DHRSX: variants seen among roughly 807,000 people sequenced by gnomAD.
DHRSX encodes dehydrogenase/reductase X-linked.
A neutral mutation model predicts 34.0 loss-of-function variants in DHRSX; 31 were observed. The observed-to-expected ratio is 0.91, with a 90% CI of 0.69 to 1.23. The LOEUF is 1.23. Ranked by LOEUF, DHRSX falls within the 50% of genes most tolerant of loss-of-function variation. The probability of loss-of-function intolerance (pLI) is 0.00; values close to 1 mark genes in which losing one functional copy is unlikely to be tolerated. For missense variants in DHRSX, 414 were observed against 428.1 expected (o/e 0.97, Z 0.29); for synonymous variants, 201 against 183.8 (o/e 1.09, Z -0.76).
At chrX:2,223,658 G>C (rs2015571226) in intron 6 of DHRSX, among the ~76,000 whole-genome samples, 1 of 152,172 alleles carries the variant, frequency 6.6e-6, no homozygotes, top group Non-Finnish European at 1.5e-5. Context: ...GCCAAGTGAA[G>C]GCACCCATGG....
At chrX:2,289,626 G>A (rs1233629123) in intron 4 of DHRSX, among the ~76,000 whole-genome samples, 3 of 152,198 alleles carry the variant, frequency 2.0e-5, no homozygotes, top group Non-Finnish European at 4.4e-5. Context: ...ACAGAACGAG[G>A]AAATGAGACG....
intron 5 of DHRSX, among the ~76,000 whole-genome samples, chrX:2,244,619 A>T (rs1315665325): frequency 2.0e-5 from 3 of 152,038 alleles, no homozygotes; most frequent in African/African-American, 7.2e-5. Flanking sequence ...GAGGCGATCA[A>T]TTTGCTACAC....
intron 1 of DHRSX, chrX:2,487,229 G>C (rs1036007083): frequency 3.9e-5 from 6 of 152,202 alleles, no homozygotes; most frequent in African/African-American, 1.2e-4. Context: ...ATGGTATTCA[G>C]TTTAAAAGAG....
intron 3 of DHRSX, among the ~76,000 whole-genome samples, chrX:2,399,730 AAAAAAAAAAAAAC>A (rs1421611654): frequency 7.4e-6 from 1 of 134,680 alleles, no homozygotes; most frequent in Non-Finnish European, 1.6e-5. Context: ...AAAAGCAAAA[AAAAAAAAAAAAAC>A]AAAAAAACAC....
intron 2 of DHRSX, among the ~76,000 whole-genome samples, chrX:2,415,440 A>G (rs898069148): frequency 2.3e-4 from 35 of 151,838 alleles, no homozygotes; most frequent in African/African-American, 7.3e-4. Context: ...ACCTCATCAT[A>G]ACTTACCCCA....
At chrX:2,489,579 T>G in intron 1 of DHRSX, 1 of 1,612,588 alleles carries the variant, frequency 6.2e-7, no homozygotes, top group Non-Finnish European at 8.5e-7. Context: ...AGGTGGTGGT[T>G]GTTGCTGTCC....
At chrX:2,403,827 A>G (rs2043519196) in intron 3 of DHRSX, among the ~76,000 whole-genome samples, 1 of 151,282 alleles carries the variant, frequency 6.6e-6, no homozygotes, top group African/African-American at 2.4e-5. Context: ...CTGCATTCTA[A>G]CGTGGGCAAC....
chrX:2,234,951 T>A (rs952417914), intron 6 of DHRSX, among the ~76,000 whole-genome samples: 6 of 152,144 alleles, frequency 3.9e-5, no homozygotes, highest in African/African-American at 9.7e-5. Context: ...CCTCAGGTGA[T>A]CCACCCGCCT....
intron 3 of DHRSX, among the ~76,000 whole-genome samples, chrX:2,387,716 A>G (rs1428227609): frequency 6.6e-6 from 1 of 152,024 alleles, no homozygotes; most frequent in Admixed American, 6.6e-5. Flanking sequence ...TGCATCCTTC[A>G]ATCCAATCAA....
chrX:2,369,833 G>A (rs2043036421), intron 3 of DHRSX, among the ~76,000 whole-genome samples: 1 of 151,894 alleles, frequency 6.6e-6, no homozygotes, highest in Non-Finnish European at 1.5e-5. Context: ...TAGTAGAGAC[G>A]GGTTTCACCA....
intron 1 of DHRSX, among the ~76,000 whole-genome samples, chrX:2,473,268 G>A (rs1356574650): frequency 6.6e-6 from 1 of 152,124 alleles, no homozygotes. Flanking sequence ...ACGGAAGGTG[G>A]ATGACTCATT....
chrX:2,315,087 G>A (rs1461862395), intron 3 of DHRSX, among the ~76,000 whole-genome samples: 4 of 152,106 alleles, frequency 2.6e-5, no homozygotes, highest in African/African-American at 9.7e-5. Flanking sequence ...GAACCCGGGA[G>A]GTGGAGGTTG....
At chrX:2,270,913 C>CTCTGTAAAATGGACCAATCAGCAA (rs2041543445) in intron 4 of DHRSX, among the ~76,000 whole-genome samples, 1 of 149,008 alleles carries the variant, frequency 6.7e-6, no homozygotes, top group Non-Finnish European at 1.5e-5. Context: ...CCAATCAGCA[C>CTCTGTAAAATGGACCAATCAGCAA]TCTGTAAAAT....
At chrX:2,447,015 T>A (rs2061795005) in intron 1 of DHRSX, among the ~76,000 whole-genome samples, 1 of 151,336 alleles carries the variant, frequency 6.6e-6, no homozygotes, top group Admixed American at 6.6e-5. Context: ...TCCCTAGGCA[T>A]GAGGCCAAGG....
intron 1 of DHRSX, among the ~76,000 whole-genome samples, chrX:2,442,472 G>GTA (rs757603927): frequency 0.053 from 7,999 of 150,718 alleles, 498 homozygotes; most frequent in African/African-American, 0.14. Context: ...ATGTGTGTGT[G>GTA]TATATATATA....
chrX:2,460,261 A>G (rs1465870049), intron 1 of DHRSX, among the ~76,000 whole-genome samples: 1 of 152,060 alleles, frequency 6.6e-6, no homozygotes, highest in Non-Finnish European at 1.5e-5. Context: ...TGGTGAGATC[A>G]GGCTGTCCCC....
chrX:2,322,839 T>A (rs1011237402), intron 3 of DHRSX, among the ~76,000 whole-genome samples: 8 of 152,150 alleles, frequency 5.3e-5, no homozygotes, highest in African/African-American at 1.9e-4. Flanking sequence ...AGTCAAAAGT[T>A]ATCTTTGGAT....
In DHRSX at chrX:2,243,003, G is replaced by C; in HGVS notation, c.804+20C>G. 6.2e-7 allele frequency: 1 copy of C among 1,608,484 alleles called. No individual in the cohort carries two copies. The highest frequency in any genetic ancestry group is 8.5e-7 in the Non-Finnish European group (1 of 1,176,128). ...CATCTTCAGGTGCAGCCGTGAATCA[G>C]AGAAGCAGAAGGGGCTTACCTTGAA... is the stretch of plus-strand genomic sequence containing the variant. On this transcript the variant is annotated intron_variant, in intron 6 of 6. Transcript: ENST00000334651.
chrX:2,244,320 G>C (rs868098145), intron 5 of DHRSX, among the ~76,000 whole-genome samples: 1 of 97,834 alleles, frequency 1.0e-5, no homozygotes, highest in Admixed American at 1.0e-4. Context: ...TCTCTCTCTG[G>C]TAACCTCAAT....
Sources: allele counts gnomAD v4.1 joint callset (sites outside exome capture counted in the v4.1 genomes callset), GRCh38; gene constraint gnomAD v4.1.1; transcripts MANE v1.5; gene names NCBI Gene and HGNC (gene_info 2026-07-23, HGNC 2026-07-21).